Variants in BIN1 observed in about 807,000 individuals in gnomAD.
BIN1 encodes the protein bridging integrator 1.
Under a neutral mutation model 82.0 loss-of-function variants are expected in BIN1, and 53 were observed. The observed-to-expected ratio is 0.65, with a 90% CI of 0.52 to 0.81. The LOEUF (loss-of-function observed/expected upper bound fraction) is 0.81. Among genes scored for constraint, BIN1 ranks in the 40% least tolerant of loss-of-function variants. The pLI is 0.00. For missense variants in BIN1, 642 were observed against 784.4 expected (o/e 0.82, Z 2.17); for synonymous variants, 302 against 328.0 (o/e 0.92, Z 0.86).
At chr2:127,073,033 A>G (rs753429) in intron 2 of BIN1, among the ~76,000 whole-genome samples, 77,479 of 152,002 alleles carry the variant, frequency 0.51, 19,817 homozygotes, top group South Asian at 0.58. Flanking sequence ...CCTCCCCCCC[A>G]CAGCAGGGGT....
In BIN1 at chr2:127,059,224, G is replaced by T; in HGVS notation, c.858-69C>A. 1 of 1,497,474 alleles carries T rather than the reference G, an allele frequency of 6.7e-7. No homozygotes were observed. Among genetic ancestry groups the T allele is most frequent in the Non-Finnish European group, 9.0e-7 (1 of 1,112,440 alleles). 92.8% of individuals were successfully genotyped at this position (1,497,474 alleles called of 1,614,324 possible). ...AGGCACAGGAGACGGAGGGGCAAATGTATTGACGTCTGTGTGAAGAGGTGT... is the reference window on the plus strand; with the variant it reads ...AGGCACAGGAGACGGAGGGGCAAATTTATTGACGTCTGTGTGAAGAGGTGT... On this transcript the variant is annotated intron_variant, in intron 10 of 18. Transcript: ENST00000316724. This position sits in a 1 kb window ranked among gnomAD's most constrained non-coding sequence, Gnocchi z 6.7.
At chr2:127,085,041 C>G (rs1262002781) in intron 1 of BIN1, among the ~76,000 whole-genome samples, 1 of 152,198 alleles carries the variant, frequency 6.6e-6, no homozygotes. Flanking sequence ...ATCCCCCGCC[C>G]CGCCCCACCC....
intron 1 of BIN1, among the ~76,000 whole-genome samples, chr2:127,097,979 G>GA: frequency 6.6e-6 from 1 of 152,344 alleles, no homozygotes; most frequent in East Asian, 1.9e-4. Flanking sequence ...GGGCCTGAGG[G>GA]AAAGCCCCTC....
intron 2 of BIN1, among the ~76,000 whole-genome samples, chr2:127,072,759 C>T (rs1163628991): frequency 6.6e-6 from 1 of 152,176 alleles, no homozygotes. Flanking sequence ...AAGACTGCTC[C>T]ACGGACACTG....
At chr2:127,088,297 C>T (rs760495860) in intron 1 of BIN1, among the ~76,000 whole-genome samples, 2 of 152,268 alleles carry the variant, frequency 1.3e-5, no homozygotes, top group Non-Finnish European at 2.9e-5. Flanking sequence ...CACCTCACAA[C>T]AGGCATTTGA....
Position 127,082,335 on chromosome 2 carries a change from C to A in BIN1, c.85-5629G>T, listed in dbSNP as rs561438234. Among the ~76,000 whole-genome samples, 3 of 152,274 alleles carry A rather than the reference C, an allele frequency of 2.0e-5. No homozygotes were observed. The South Asian group carries it at 6.2e-4, about 32-fold the overall frequency. ...CTTTCCGCCCTCATGCTCCAGGGGC[C>A]CCTGCAGGGGAGACAGAGGGCAGGA... On this transcript the variant is annotated intron_variant, in intron 1 of 18. Transcript: ENST00000316724. This position sits in a 1 kb window ranked among gnomAD's most constrained non-coding sequence, Gnocchi z 6.1.
chr2:127,062,030 G>T, intron 10 of BIN1, 85 bp downstream of exon 10: 1 of 1,484,134 alleles, frequency 6.7e-7, no homozygotes, highest in South Asian at 1.2e-5. Flanking sequence ...TGGGGGACCA[G>T]GGAGGGCACC....
In BIN1 at chr2:127,048,409, C is replaced by G. The variant is rs1682442817; in HGVS notation, c.*117G>C. On this transcript the variant is annotated 3_prime_UTR_variant, in exon 19 of 19. Transcript: ENST00000316724. The stretch of plus-strand genomic sequence containing the variant: ...ACGCCCCTCTGCCTGGGGGTCTCCT[C>G]TTGATTTCCCTTTGCTCTTCAAAAG... 1.9e-6 allele frequency: 2 copies of G among 1,033,008 alleles called. No individual in the cohort carries two copies. Among genetic ancestry groups the G allele is most frequent in the Non-Finnish European group, 2.9e-6 (2 of 680,152 alleles). The allele number at this position is 1,033,008 out of a possible 1,614,324, so 64.0% of individuals were successfully genotyped here.
rs1312595103 is a variant in BIN1, at chr2:127,069,336, A to G, written c.412-305T>C. 2.0e-5 allele frequency among the ~76,000 whole-genome samples: 3 copies of G among 152,222 alleles called. No homozygotes were observed. The South Asian group carries it at 6.2e-4, about 32-fold the overall frequency. On this transcript the variant is annotated intron_variant, in intron 5 of 18. Coordinates refer to ENST00000316724, the MANE Select transcript of BIN1 (RefSeq NM_139343.3). The stretch of plus-strand genomic sequence containing the variant: ...GCTTCTCATCTCCACAGCCACCAAC[A>G]TCAGACTCAGGGAGCTTGAGGCATC...
At position 127,057,398 on chromosome 2, in the gene BIN1, A is replaced by G. The variant is rs1683834444; in HGVS notation, c.1131+75T>C. ...GATTCCTGGCTCTTGAGACAGAAGC[A>G]TAGAGGATGAAGGCCATGCACGCCC... is the stretch of plus-strand genomic sequence containing the variant. On this transcript the variant is annotated intron_variant, in intron 12 of 18. Coordinates refer to ENST00000316724, the MANE Select transcript of BIN1 (RefSeq NM_139343.3). This position sits in a 1 kb window ranked among gnomAD's most constrained non-coding sequence, Gnocchi z 5.0. 2.1e-6 allele frequency: 3 copies of G among 1,458,782 alleles called. No homozygotes were observed. The South Asian group carries it at 4.1e-5, about 20-fold the overall frequency. 90.4% of individuals were successfully genotyped at this position (1,458,782 alleles called of 1,614,324 possible).
chr2:127,064,269 G>A (rs1684874921), intron 7 of BIN1, among the ~76,000 whole-genome samples: 2 of 152,356 alleles, frequency 1.3e-5, no homozygotes, highest in South Asian at 4.1e-4. Flanking sequence ...ACGTGGCCGG[G>A]AGGGCAGTGA....
chr2:127,084,219 G>A (rs1420384999), intron 1 of BIN1, among the ~76,000 whole-genome samples: 3 of 152,228 alleles, frequency 2.0e-5, no homozygotes, highest in Non-Finnish European at 4.4e-5. Context: ...GCGCAGTGAA[G>A]TCTGAGAAGC....
intron 7 of BIN1, among the ~76,000 whole-genome samples, chr2:127,065,122 C>T (rs1684987067): frequency 6.6e-6 from 1 of 152,234 alleles, no homozygotes; most frequent in African/African-American, 2.4e-5. Flanking sequence ...GCCAGCTGTC[C>T]CATCCAGCCT....
intron 13 of BIN1, 143 bp downstream of exon 13, chr2:127,053,762 G>A: frequency 3.7e-6 from 3 of 817,200 alleles, no homozygotes; most frequent in Admixed American, 4.3e-5. Flanking sequence ...CAACCAGGAG[G>A]TGATGAGGGC....
At chr2:127,065,299 G>A (rs1193723614) in intron 7 of BIN1, among the ~76,000 whole-genome samples, 1 of 152,168 alleles carries the variant, frequency 6.6e-6, no homozygotes, top group Non-Finnish European at 1.5e-5. Context: ...AAGGCAGAAT[G>A]GGGAGCGGGG....
In BIN1 at chr2:127,050,833, C is replaced by T. The variant is rs766615886; in HGVS notation, c.1541G>A (p.Arg514His). ...GTVEGGSGAG[R>H]LDLPPGFMFK... ...CATGAAACCTGGGGGCAGGTCCAAG[C>T]GCCCGGCCCCACTGCCGCCCTCCAC... Residue 514 changes from arginine (R) to histidine (H), a missense_variant, in exon 17 of 19, where the codon CGC (arginine) becomes CAC (histidine). Transcript: ENST00000316724. 31 of 1,613,620 alleles carry T rather than the reference C, an allele frequency of 1.9e-5. No homozygotes were observed. Among genetic ancestry groups the T allele is most frequent in the African/African-American group, 4.0e-5 (3 of 74,932 alleles).
intron 10 of BIN1, among the ~76,000 whole-genome samples, chr2:127,061,402 A>C (rs186565220): frequency 2.0e-5 from 3 of 152,342 alleles, no homozygotes; most frequent in Admixed American, 2.0e-4. Flanking sequence ...TACAGAGTCC[A>C]TCGGTGTTCT....
intron 1 of BIN1, among the ~76,000 whole-genome samples, chr2:127,105,365 A>C (rs956445044): frequency 5.3e-5 from 8 of 152,050 alleles, no homozygotes; most frequent in Non-Finnish European, 1.2e-4. Flanking sequence ...TTACCCAGTC[A>C]TGGCAGCCCG....
Position 127,048,502 on chromosome 2 carries a change from C to T in BIN1, c.*24G>A. On this transcript the variant is annotated 3_prime_UTR_variant, in exon 19 of 19. Coordinates refer to ENST00000316724, the MANE Select transcript of BIN1 (RefSeq NM_139343.3). The stretch of plus-strand genomic sequence containing the variant: ...TCGGGAGGAGGTGTTCTTCACACGC[C>T]CGGAGGCTGCCTGGGCCCCGCCGTC... 1 of 1,610,164 alleles carries T rather than the reference C, an allele frequency of 6.2e-7. No homozygotes were observed. Among genetic ancestry groups the T allele is most frequent in the South Asian group, 1.1e-5 (1 of 91,010 alleles).
Sources: gnomAD v4.1 joint callset for allele counts (sites outside exome capture counted in the v4.1 genomes callset) on GRCh38, gnomAD v4.1.1 for gene constraint, Gnocchi (gnomAD v3.1) non-coding constraint, MANE v1.5 for transcripts, NCBI Gene and HGNC (gene_info 2026-07-23, HGNC 2026-07-21) for gene names.